The following TMEM266 variants were observed in gnomAD, a reference collection of about 807,000 sequenced individuals.
TMEM266 encodes the protein transmembrane protein 266, also known as Hv1 related protein 1.
Under a neutral mutation model 50.5 loss-of-function variants are expected in TMEM266, and 33 were observed. That is an observed-to-expected ratio of 0.65 (90% confidence interval 0.50 to 0.87). The LOEUF (loss-of-function observed/expected upper bound fraction) is 0.87, where lower values mean the gene tolerates loss of function less well. Among genes scored for constraint, TMEM266 ranks in the 40% least tolerant of loss-of-function variants. The pLI, the probability that TMEM266 is intolerant of heterozygous loss-of-function variation, is 0.00. For missense variants in TMEM266, 655 were observed against 695.1 expected (o/e 0.94, Z 0.65); for synonymous variants, 310 against 292.3 (o/e 1.06, Z -0.62).
intron 3 of TMEM266, among the ~76,000 whole-genome samples, chr15:76,146,130 A>G (rs2037751032): frequency 6.6e-6 from 1 of 152,210 alleles, no homozygotes; most frequent in African/African-American, 2.4e-5. Flanking sequence ...ACCACAGGCA[A>G]CAAAAGAGAA....
At chr15:76,151,729 C>T (rs754482453) in intron 3 of TMEM266, among the ~76,000 whole-genome samples, 3 of 152,126 alleles carry the variant, frequency 2.0e-5, no homozygotes, top group East Asian at 1.9e-4. Flanking sequence ...CTTAGTAGGC[C>T]GCCAGAAGCA....
At chr15:76,203,708 G>A (rs113394832) in intron 10 of TMEM266, 33 bp from the exon 11 acceptor site, 17,131 of 1,588,702 alleles carry the variant, frequency 0.011, 160 homozygotes, top group Middle Eastern at 0.031. Context: ...GGCAGAGGTT[G>A]AAGTGTGACC....
At chr15:76,107,372 G>A (rs950212440) in intron 1 of TMEM266, among the ~76,000 whole-genome samples, 5 of 152,100 alleles carry the variant, frequency 3.3e-5, no homozygotes, top group Admixed American at 6.6e-5. Flanking sequence ...AGAGTATGTC[G>A]CTCACACAGG....
intron 5 of TMEM266, 94 bp from the exon 6 acceptor site, chr15:76,169,722 A>C: frequency 7.2e-7 from 1 of 1,396,584 alleles, no homozygotes; most frequent in Non-Finnish European, 1.0e-6. Flanking sequence ...CCTTTTACTG[A>C]ATGCAGAAGC....
At chr15:76,202,362 G>A (rs748386011) in intron 10 of TMEM266, 98 bp downstream of exon 10, 5 of 1,091,584 alleles carry the variant, frequency 4.6e-6, no homozygotes, top group Non-Finnish European at 6.7e-6. Flanking sequence ...CCCATCACCT[G>A]GTGCCTGTGA....
intron 5 of TMEM266, among the ~76,000 whole-genome samples, chr15:76,165,967 G>T (rs969756331): frequency 6.6e-6 from 1 of 152,172 alleles, no homozygotes; most frequent in Non-Finnish European, 1.5e-5. Context: ...AGCATATTCC[G>T]GGGCTTGTGC....
At chr15:76,201,467 C>T (rs1411030714) in intron 9 of TMEM266, among the ~76,000 whole-genome samples, 3 of 152,184 alleles carry the variant, frequency 2.0e-5, no homozygotes, top group Non-Finnish European at 4.4e-5. Flanking sequence ...TCACAGCTCA[C>T]GGCAGCCTCA....
intron 8 of TMEM266, among the ~76,000 whole-genome samples, chr15:76,190,921 T>TGCGGGGAACACTAGGTG (rs1162541569): frequency 6.6e-6 from 1 of 151,984 alleles, no homozygotes; most frequent in Non-Finnish European, 1.5e-5. Flanking sequence ...GTGCGAGGCG[T>TGCGGGGAACACTAGGTG]GCGGGGAACA....
In TMEM266 at chr15:76,133,351, C is replaced by T. The variant is rs183070969; in HGVS notation, c.-96-817C>T. The stretch of plus-strand genomic sequence containing the variant: ...CTTTGGGAGGCTGAGGCAGGAGAAT[C>T]GCTTTAACCCAGGAGGCGAGGTTGC... On this transcript the variant is annotated intron_variant, in intron 1 of 10. Transcript: ENST00000388942. 2.5e-3 allele frequency among the ~76,000 whole-genome samples: 375 copies of T among 151,916 alleles called. 2 individuals are homozygous for T. Among genetic ancestry groups the T allele is most frequent in the African/African-American group, 8.6e-3 (357 of 41,428 alleles).
At chr15:76,087,613 G>T (rs1332301543) in intron 1 of TMEM266, among the ~76,000 whole-genome samples, 1 of 152,110 alleles carries the variant, frequency 6.6e-6, no homozygotes, top group Non-Finnish European at 1.5e-5. Flanking sequence ...GGTAGGCATC[G>T]TTGAAATAAT....
intron 1 of TMEM266, among the ~76,000 whole-genome samples, chr15:76,068,419 T>G (rs1336216109): frequency 1.3e-5 from 2 of 152,222 alleles, no homozygotes; most frequent in Non-Finnish European, 2.9e-5. Flanking sequence ...AGACTTGTGC[T>G]AACAGGTGGA....
rs142158830 is a variant in TMEM266, at chr15:76,075,513, A to G, written c.-97+15497A>G. ...TGGCTTATGTTTGAAATGAAGCTTC[A>G]GACACCAGGGTCTGTGTCAACTTAA... On this transcript the variant is annotated intron_variant, in intron 1 of 10. Transcript: ENST00000388942. 7.0e-3 allele frequency among the ~76,000 whole-genome samples: 1,059 copies of G among 152,286 alleles called. 28 individuals carry two copies. Among genetic ancestry groups the G allele is most frequent in the African/African-American group, 0.024 (1,009 of 41,508 alleles).
chr15:76,186,744 T>C (rs1178074640), intron 8 of TMEM266, among the ~76,000 whole-genome samples: 1 of 152,198 alleles, frequency 6.6e-6, no homozygotes, highest in Non-Finnish European at 1.5e-5. Flanking sequence ...TGTTCTCCAT[T>C]CTGCGGTCAG....
chr15:76,097,496 TG>T (rs1455380963), intron 1 of TMEM266, among the ~76,000 whole-genome samples: 1 of 151,962 alleles, frequency 6.6e-6, no homozygotes, highest in Non-Finnish European at 1.5e-5. Flanking sequence ...CTTCCCTTTG[TG>T]GGTAACCCGA....
chr15:76,191,937 C>G (rs2038579347), intron 8 of TMEM266, 31 bp from the exon 9 acceptor site: 2 of 1,543,062 alleles, frequency 1.3e-6, no homozygotes, highest in African/African-American at 1.4e-5. Flanking sequence ...CCCCTCGCCG[C>G]TGATTCAGCC....
intron 8 of TMEM266, among the ~76,000 whole-genome samples, chr15:76,190,749 T>C (rs937071450): frequency 3.3e-5 from 5 of 152,174 alleles, no homozygotes; most frequent in Non-Finnish European, 7.4e-5. Flanking sequence ...AAAGTGATAC[T>C]GTCGTGGAGG....
At chr15:76,148,150 T>C (rs1200197635) in intron 3 of TMEM266, among the ~76,000 whole-genome samples, 1 of 152,100 alleles carries the variant, frequency 6.6e-6, no homozygotes, top group Non-Finnish European at 1.5e-5. Flanking sequence ...GGATGTTTCC[T>C]GGAGAGAGGG....
chr15:76,130,249 A>C (rs907293410), intron 1 of TMEM266, among the ~76,000 whole-genome samples: 1 of 96,412 alleles, frequency 1.0e-5, no homozygotes, highest in Non-Finnish European at 1.9e-5. Flanking sequence ...AAAAAAAAAA[A>C]AAAAACCGCC....
intron 1 of TMEM266, among the ~76,000 whole-genome samples, chr15:76,133,263 G>A (rs753022765): frequency 2.6e-5 from 4 of 151,952 alleles, no homozygotes; most frequent in Non-Finnish European, 5.9e-5. Flanking sequence ...GAGAAACCCC[G>A]TCTCTACTAA....
Sources: gnomAD v4.1 joint callset for allele counts (sites outside exome capture counted in the v4.1 genomes callset) on GRCh38, gnomAD v4.1.1 for gene constraint, MANE v1.5 for transcripts, NCBI Gene and HGNC (gene_info 2026-07-23, HGNC 2026-07-21) for gene names.